ZIM2: variants seen among roughly 807,000 people sequenced by gnomAD.
The protein encoded by ZIM2 is zinc finger protein 656.
ZIM2 carries 14 observed loss-of-function variants against 38.6 expected under a neutral mutation model. The observed-to-expected ratio is 0.36, with a 90% CI of 0.24 to 0.57. The LOEUF (loss-of-function observed/expected upper bound fraction) is 0.57, where lower values mean the gene tolerates loss of function less well. Ranked by LOEUF, ZIM2 falls within the 20% of genes least tolerant of loss-of-function variation. ZIM2 has a pLI of 0.81. For synonymous variants in ZIM2, 247 were observed against 245.8 expected (o/e 1.00, Z -0.04); for missense variants, 680 against 695.1 (o/e 0.98, Z 0.24).
intron 10 of ZIM2, among the ~76,000 whole-genome samples, chr19:56,789,185 T>C (rs1017006003): frequency 5.3e-5 from 8 of 152,166 alleles, no homozygotes; most frequent in Admixed American, 6.5e-5. Flanking sequence ...ATGCAAAAAA[T>C]TGTCTATCTG....
At position 56,775,464 on chromosome 19, in the gene ZIM2, T is replaced by C. The variant is rs1436568185; in HGVS notation, c.901A>G (p.Thr301Ala). ...GTGAGGGTCTTGGGGTCATTCATTG[T>C]TATAGGAGTCAAAAGTTTCTCTTGG... ...GNQEKLLTPI[T>A]MNDPKTLTPE... is the part of the protein sequence containing the mutation. The change falls in exon 13 of 13, where the codon ACA becomes GCA. Residue 301 changes from threonine to alanine, a missense_variant. Coordinates refer to ENST00000629319, the MANE Select transcript of ZIM2 (RefSeq NM_001387356.1). 1 of 1,613,870 alleles carries C rather than the reference T, an allele frequency of 6.2e-7. No individual in the cohort carries two copies. The highest frequency in any genetic ancestry group is 8.5e-7 in the Non-Finnish European group (1 of 1,180,022).
rs147779075 is a variant in ZIM2, at chr19:56,774,862, G to C, written c.1503C>G (p.Asp501Glu). 3 of 1,614,062 alleles carry C rather than the reference G, an allele frequency of 1.9e-6. No homozygotes were observed. Among genetic ancestry groups the C allele is most frequent in the Non-Finnish European group, 2.5e-6 (3 of 1,180,046 alleles). The change falls in exon 13 of 13, where the codon GAC (aspartate) becomes GAG (glutamate). Residue 501 changes from aspartate to glutamate, a missense_variant. Asp to Glu is a conservative substitution (Grantham distance 45). Coordinates refer to ENST00000629319, the MANE Select transcript of ZIM2 (RefSeq NM_001387356.1). ...YVGERACQCC[D>E]CGRVFSRNSY... ...AATTCCGACTGAAGACTCTGCCACAGTCACAACACTGGCAGGCTCTCTCTC... is the reference window on the plus strand; with the variant it reads ...AATTCCGACTGAAGACTCTGCCACACTCACAACACTGGCAGGCTCTCTCTC...
rs530969342 is a variant in ZIM2, at chr19:56,813,818, A to G, written c.490+3928T>C. 1.2e-6 allele frequency: 2 copies of G among 1,613,800 alleles called. No homozygotes were observed. Among genetic ancestry groups the G allele is most frequent in the East Asian group, 4.5e-5 (2 of 44,858 alleles). On this transcript the variant is annotated intron_variant, in intron 9 of 12. Coordinates refer to ENST00000629319, the MANE Select transcript of ZIM2 (RefSeq NM_001387356.1). ...CTGGCACGTTCGATGTAGCCTGAGC[A>G]CTCCCCAAAGGCATTTGCAGGCTCA...
chr19:56,821,020 C>T (rs1349078748), intron 7 of ZIM2, among the ~76,000 whole-genome samples: 1 of 152,136 alleles, frequency 6.6e-6, no homozygotes, highest in African/African-American at 2.4e-5. Context: ...TTTTTTTTCC[C>T]TTCATGAATC....
At position 56,804,968 on chromosome 19, in the gene ZIM2, A is replaced by G. The variant is rs113522081; in HGVS notation, c.490+12778T>C. 5.1e-3 allele frequency among the ~76,000 whole-genome samples: 777 copies of G among 152,334 alleles called. 4 individuals are homozygous for G. The highest frequency in any genetic ancestry group is 9.1e-3 in the Admixed American group (140 of 15,304). On this transcript the variant is annotated intron_variant, in intron 9 of 12. Coordinates refer to ENST00000629319, the MANE Select transcript of ZIM2 (RefSeq NM_001387356.1). ...GTTAGACCCCAGAGTCTGGGCTTTCAGCTTCACCAGGCTGGCATTTTCAGC... is the reference window on the plus strand; with the variant it reads ...GTTAGACCCCAGAGTCTGGGCTTTCGGCTTCACCAGGCTGGCATTTTCAGC...
rs1470176328 is a variant in ZIM2, at chr19:56,814,883, G to C, written c.490+2863C>G. On this transcript the variant is annotated intron_variant, in intron 9 of 12. Transcript: ENST00000629319. The surrounding 1 kb of genome is among the most constrained non-coding windows in gnomAD (Gnocchi z 5.8). ...CCCTTCATGGAATACAACTGGTCTT[G>C]TTCATGGATTCTCTGATGCTCGAAA... 6.2e-7 allele frequency: 1 copy of C among 1,614,042 alleles called. No homozygotes were observed. Among genetic ancestry groups the C allele is most frequent in the Non-Finnish European group, 8.5e-7 (1 of 1,180,034 alleles).
intron 9 of ZIM2, among the ~76,000 whole-genome samples, chr19:56,808,227 C>T (rs1007928777): frequency 5.9e-5 from 9 of 152,126 alleles, no homozygotes; most frequent in Admixed American, 2.0e-4. Context: ...TGTTATTTAA[C>T]GGATGCTGGG....
chr19:56,775,260 T>C lies in ZIM2; in HGVS notation c.1105A>G (p.Ser369Gly). Reference protein sequence around the residue: ...NRCEFCKRTFSTQVALRRHER... With the variant: ...NRCEFCKRTFGTQVALRRHER... ...TGTCTCCTAAGGGCTACTTGCGTAC[T>C]AAAGGTTCGTTTGCAAAATTCACAT... The change falls in exon 13 of 13, where the codon AGT becomes GGT. Residue 369 changes from serine (S) to glycine (G), a missense_variant. Transcript: ENST00000629319. 3.1e-6 allele frequency: 5 copies of C among 1,614,180 alleles called. No homozygotes were observed. Among genetic ancestry groups the C allele is most frequent in the Non-Finnish European group, 4.2e-6 (5 of 1,180,018 alleles).
intron 2 of ZIM2, among the ~76,000 whole-genome samples, chr19:56,829,323 A>C (rs2061360598): frequency 6.7e-6 from 1 of 149,960 alleles, no homozygotes. Flanking sequence ...CAGCCTGGGC[A>C]ACAGAGCGAG....
intron 6 of ZIM2, chr19:56,822,548 T>C (rs1385639534): frequency 1.8e-6 from 1 of 546,434 alleles, no homozygotes; most frequent in African/African-American, 1.9e-5. Context: ...ATAGTTTAGG[T>C]GGCAACAGGT....
Position 56,774,918 on chromosome 19 carries a change from TTAAG to T in ZIM2, c.1443_1446del (p.Tyr481Ter). ...TAGTCATGTTTCCGCTGATAACGAATTAAGTATGTCTTGCTGTGGGACAACCCAG... is the reference window on the plus strand; with the variant it reads ...TAGTCATGTTTCCGCTGATAACGAATTATGTCTTGCTGTGGGACAACCCAG... On this transcript the variant is annotated frameshift_variant, in exon 13 of 13. Transcript: ENST00000629319. LOFTEE classifies it low-confidence loss of function (END_TRUNC). The T allele has an allele frequency of 6.2e-7, 1 of 1,614,152 alleles. No individual in the cohort carries two copies. The highest frequency in any genetic ancestry group is 8.5e-7 in the Non-Finnish European group (1 of 1,180,022).
At chr19:56,822,588 C>T (rs2060605861) in intron 6 of ZIM2, 165 bp downstream of exon 6, 2 of 832,718 alleles carry the variant, frequency 2.4e-6, no homozygotes, top group Non-Finnish European at 3.7e-6. Context: ...CTGGTGGTAC[C>T]GAGTGGAACT....
At chr19:56,829,970 G>T (rs1308039678) in intron 2 of ZIM2, among the ~76,000 whole-genome samples, 2 of 152,242 alleles carry the variant, frequency 1.3e-5, no homozygotes, top group South Asian at 4.1e-4. Flanking sequence ...AGGAAGAAAG[G>T]TCTAAAGGCT....
At chr19:56,800,724 G>A (rs1340388593) in intron 9 of ZIM2, among the ~76,000 whole-genome samples, 2 of 152,004 alleles carry the variant, frequency 1.3e-5, no homozygotes, top group Admixed American at 1.3e-4. Flanking sequence ...TAAAATGACC[G>A]ATTATTTTAA....
chr19:56,798,540 A>G (rs1414848523), intron 9 of ZIM2: 1 of 152,242 alleles, frequency 6.6e-6, no homozygotes, highest in East Asian at 1.9e-4. Flanking sequence ...ACCATTCAGG[A>G]CATGGGCACA....
chr19:56,815,586 A>G, intron 9 of ZIM2: 2 of 1,614,126 alleles, frequency 1.2e-6, no homozygotes, highest in Non-Finnish European at 1.7e-6. Flanking sequence ...GCAGAGAGTG[A>G]ATTACAGAGG....
In ZIM2 at chr19:56,822,819, G is replaced by A. The variant is rs547466388; in HGVS notation, c.124C>T (p.Arg42Trp). 7.4e-5 allele frequency: 119 copies of A among 1,613,856 alleles called. No individual in the cohort carries two copies. In the East Asian group the frequency reaches 1.6e-3, roughly 21 times the overall value. ...TCCATGTCTCTGCTTCTGCCCCTCC[G>A]GTCCCAGTCCCGGTCACCTAAGCAG... ...HSFSGDRDWDRRGRSRDMEPR... is the reference protein window; with the variant it reads ...HSFSGDRDWDWRGRSRDMEPR... Residue 42 changes from arginine to tryptophan, a missense_variant, in exon 6 of 13, where the codon CGG becomes TGG. By Grantham distance (101) the Arg-to-Trp change is moderately radical. Transcript: ENST00000629319.
At position 56,815,234 on chromosome 19, in the gene ZIM2, C is replaced by A; in HGVS notation, c.490+2512G>T. 2.5e-6 allele frequency: 4 copies of A among 1,614,148 alleles called. No individual in the cohort carries two copies. The South Asian group carries it at 3.3e-5, about 13-fold the overall frequency. ...GTCTCCTCGCTGTGGGTCTCCTCCC[C>A]ATCAGTATTCTCGCCTTGAGACTCC... On this transcript the variant is annotated intron_variant, in intron 9 of 12. Coordinates refer to ENST00000629319, the MANE Select transcript of ZIM2 (RefSeq NM_001387356.1).
chr19:56,817,471 C>A, intron 9 of ZIM2: 1 of 1,613,626 alleles, frequency 6.2e-7, no homozygotes, highest in African/African-American at 1.3e-5. Flanking sequence ...TTTGGAACTG[C>A]GTGACACATC....
Sources: allele counts gnomAD v4.1 joint callset (sites outside exome capture counted in the v4.1 genomes callset), GRCh38; gene constraint gnomAD v4.1.1; non-coding constraint Gnocchi (gnomAD v3.1); transcripts MANE v1.5; gene names NCBI Gene and HGNC (gene_info 2026-07-23, HGNC 2026-07-21).